The following TBC1D12 variants were observed in gnomAD, a reference collection of about 807,000 sequenced individuals.
The protein encoded by TBC1D12 is TBC1 domain family, member 12.
In TBC1D12, 56 loss-of-function variants were observed where a neutral mutation model predicts 86.7. The ratio of observed to expected loss-of-function variants is 0.65; its 90% CI spans 0.52 to 0.81. The LOEUF (loss-of-function observed/expected upper bound fraction) is 0.81, where lower values mean the gene tolerates loss of function less well. Among genes scored for constraint, TBC1D12 ranks in the 30% least tolerant of loss-of-function variants. The probability of loss-of-function intolerance (pLI) is 0.00; values close to 1 mark genes in which losing one functional copy is unlikely to be tolerated. For synonymous variants in TBC1D12, 421 were observed against 411.7 expected (o/e 1.02, Z -0.27); for missense variants, 1,023 against 1,038.8 (o/e 0.98, Z 0.21).
At chr10:94,441,769 G>T in intron 1 of TBC1D12, 127 bp from the exon 2 acceptor site, 1 of 841,910 alleles carries the variant, frequency 1.2e-6, no homozygotes, top group Non-Finnish European at 1.8e-6. Flanking sequence ...AGTGGTATAA[G>T]TAGTAGAAAT....
chr10:94,482,232 T>C (rs1368904716), intron 3 of TBC1D12, among the ~76,000 whole-genome samples: 2 of 152,186 alleles, frequency 1.3e-5, no homozygotes, highest in Admixed American at 6.5e-5. Flanking sequence ...CATTTAGCTC[T>C]CACTTGTGAG....
At chr10:94,418,584 T>C (rs1196472009) in intron 1 of TBC1D12, among the ~76,000 whole-genome samples, 1 of 147,938 alleles carries the variant, frequency 6.8e-6, no homozygotes, top group Admixed American at 6.7e-5. Flanking sequence ...TATTATTATA[T>C]TATTTTTGAG....
chr10:94,501,372 C>G (rs998395959), intron 6 of TBC1D12: 1 of 150,060 alleles, frequency 6.7e-6, no homozygotes. Flanking sequence ...GCAGAGGTTG[C>G]GGTGAGCTGA....
chr10:94,446,073 G>A (rs1055291113), intron 2 of TBC1D12, among the ~76,000 whole-genome samples: 2 of 152,026 alleles, frequency 1.3e-5, no homozygotes, highest in Non-Finnish European at 2.9e-5. Flanking sequence ...CCTCTTCCCT[G>A]CAATTCTCAT....
Position 94,531,181 on chromosome 10 carries a change from C to A in TBC1D12, c.2001-21C>A, listed in dbSNP as rs776409139. 5 of 1,593,222 alleles carry A rather than the reference C, an allele frequency of 3.1e-6. No homozygotes were observed. In the South Asian group the frequency reaches 4.6e-5, roughly 15 times the overall value. ...TCAATGAATGAAAAATTTCAGTGAC[C>A]ATTTTTCCCTCTAATTTTAGGATCT... On this transcript the variant is annotated intron_variant, in intron 11 of 12. Transcript: ENST00000225235.
chr10:94,476,796 CTT>C (rs2055994151), intron 3 of TBC1D12, among the ~76,000 whole-genome samples: 2 of 152,198 alleles, frequency 1.3e-5, no homozygotes, highest in South Asian at 4.1e-4. Flanking sequence ...ATATCTGCCT[CTT>C]TAGGTTCTAC....
chr10:94,438,491 C>T (rs1366731507), intron 1 of TBC1D12, among the ~76,000 whole-genome samples: 3 of 152,040 alleles, frequency 2.0e-5, no homozygotes, highest in South Asian at 2.1e-4. Context: ...GCATCACTCC[C>T]TTAGGGCCAG....
intron 1 of TBC1D12, among the ~76,000 whole-genome samples, chr10:94,407,848 C>T (rs913233127): frequency 3.3e-5 from 5 of 151,988 alleles, no homozygotes; most frequent in Non-Finnish European, 7.4e-5. Flanking sequence ...TGCCTGTAGT[C>T]CCAGCTACTC....
chr10:94,445,185 C>T (rs1343774221), intron 2 of TBC1D12, among the ~76,000 whole-genome samples: 1 of 151,138 alleles, frequency 6.6e-6, no homozygotes, highest in Middle Eastern at 3.2e-3. Flanking sequence ...ATGGTGAAAC[C>T]CCGTCTCTAC....
chr10:94,506,060 G>A (rs2056456767), intron 6 of TBC1D12, among the ~76,000 whole-genome samples: 1 of 146,174 alleles, frequency 6.8e-6, no homozygotes, highest in Non-Finnish European at 1.5e-5. Flanking sequence ...TTTTTTAAAC[G>A]GAGTCTCGCT....
chr10:94,510,926 GT>G (rs1404152819), intron 8 of TBC1D12, among the ~76,000 whole-genome samples: 2 of 151,572 alleles, frequency 1.3e-5, no homozygotes, highest in African/African-American at 4.9e-5. Context: ...TAGCTTGATG[GT>G]TTTTTTTCTG....
At chr10:94,465,778 A>ACGTATACG (rs2055805239) in intron 2 of TBC1D12, among the ~76,000 whole-genome samples, 1 of 137,830 alleles carries the variant, frequency 7.3e-6, no homozygotes, top group African/African-American at 2.8e-5. Flanking sequence ...GTATACGCAT[A>ACGTATACG]CATACATACA....
At chr10:94,477,663 G>T (rs891347578) in intron 3 of TBC1D12, among the ~76,000 whole-genome samples, 12 of 152,148 alleles carry the variant, frequency 7.9e-5, no homozygotes, top group Non-Finnish European at 1.6e-4. Flanking sequence ...ATGGATGCAG[G>T]CAGATTCAAG....
Position 94,474,660 on chromosome 10 carries a change from T to G in TBC1D12, c.1096-8T>G. ...TTTCTGCATAAGGTATGTTTTAATTTACTCTAGGAATATGAAGCACGAACG... is the reference window on the plus strand; with the variant it reads ...TTTCTGCATAAGGTATGTTTTAATTGACTCTAGGAATATGAAGCACGAACG... On this transcript the variant is annotated splice_region_variant and splice_polypyrimidine_tract_variant and intron_variant, in intron 2 of 12. Coordinates refer to ENST00000225235, the MANE Select transcript of TBC1D12 (RefSeq NM_015188.2). 1 of 1,608,942 alleles carries G rather than the reference T, an allele frequency of 6.2e-7. No homozygotes were observed. Among genetic ancestry groups the G allele is most frequent in the Non-Finnish European group, 8.5e-7 (1 of 1,175,582 alleles).
intron 8 of TBC1D12, among the ~76,000 whole-genome samples, chr10:94,511,122 G>A (rs1198936825): frequency 1.0e-5 from 1 of 99,710 alleles, no homozygotes; most frequent in African/African-American, 3.9e-5. Flanking sequence ...TTTTTTGAGA[G>A]ATTCTCACTC....
chr10:94,532,644 G>A (rs1842460742), intron 12 of TBC1D12, among the ~76,000 whole-genome samples: 1 of 152,156 alleles, frequency 6.6e-6, no homozygotes, highest in African/African-American at 2.4e-5. Context: ...AATATATAAT[G>A]TATGGTCCTG....
intron 2 of TBC1D12, among the ~76,000 whole-genome samples, chr10:94,445,118 T>C (rs997258864): frequency 6.7e-6 from 1 of 149,484 alleles, no homozygotes; most frequent in African/African-American, 2.5e-5. Flanking sequence ...CCCAGCACTT[T>C]GGGAGGCTGT....
At chr10:94,493,084 C>A (rs1392912964) in intron 3 of TBC1D12, among the ~76,000 whole-genome samples, 2 of 151,630 alleles carry the variant, frequency 1.3e-5, no homozygotes, top group African/African-American at 4.8e-5. Flanking sequence ...ATAGTGAGAC[C>A]CCATCTCTAT....
At chr10:94,415,337 C>T (rs1307226842) in intron 1 of TBC1D12, among the ~76,000 whole-genome samples, 3 of 152,174 alleles carry the variant, frequency 2.0e-5, no homozygotes, top group African/African-American at 7.2e-5. Context: ...GTTATTGGTA[C>T]TACCCAGAGT....
Sources: gnomAD v4.1 joint callset for allele counts (sites outside exome capture counted in the v4.1 genomes callset) on GRCh38, gnomAD v4.1.1 for gene constraint, MANE v1.5 for transcripts, NCBI Gene and HGNC (gene_info 2026-07-23, HGNC 2026-07-21) for gene names.